Variants in COL5A1 observed in about 807,000 individuals in gnomAD.
The protein encoded by COL5A1 is collagen type V alpha 1 chain, also known as collagen alpha-1(V) chain.
In COL5A1, 16 loss-of-function variants were observed where a neutral mutation model predicts 263.7. The observed-to-expected ratio is 0.06, with a 90% CI of 0.04 to 0.09. COL5A1 has a LOEUF of 0.09. Among genes scored for constraint, COL5A1 ranks in the 10% least tolerant of loss-of-function variants. The pLI is 1.00. For missense variants in COL5A1, 2,036 were observed against 2,540.5 expected, an observed-to-expected ratio of 0.80 and a Z score of 4.27; for synonymous variants, 1,012 against 1,004.5, an observed-to-expected ratio of 1.01 and a Z score of -0.14.
chr9:134,695,249 A>AC (rs1833417050), intron 2 of COL5A1, among the ~76,000 whole-genome samples: 1 of 151,024 alleles, frequency 6.6e-6, no homozygotes, highest in African/African-American at 2.4e-5. Context: ...CTCTGCCCAC[A>AC]CCCCCCTGCC....
intron 41 of COL5A1, among the ~76,000 whole-genome samples, 160 bp downstream of exon 41, chr9:134,805,374 C>T (rs964528142): frequency 3.3e-5 from 5 of 152,118 alleles, no homozygotes; most frequent in African/African-American, 9.7e-5. Flanking sequence ...ATGCGGACGG[C>T]GCATCCCAAG....
intron 11 of COL5A1, among the ~76,000 whole-genome samples, chr9:134,748,014 C>CACACACAT (rs1835622297): frequency 2.7e-5 from 4 of 150,692 alleles, no homozygotes; most frequent in East Asian, 3.9e-4. Context: ...CATGCATTCA[C>CACACACAT]ACACATGCAT....
At chr9:134,739,352 G>A (rs3109676) in intron 11 of COL5A1, among the ~76,000 whole-genome samples, 48,708 of 152,182 alleles carry the variant, frequency 0.32, 8,595 homozygotes, top group African/African-American at 0.48. Flanking sequence ...CCTGGTGTCC[G>A]GCGGGGCGGG....
chr9:134,677,071 C>T lies in COL5A1; in HGVS notation c.110-13841C>T, dbSNP rs1380681673. ...CATGGAGTGCTCTGGTTGTGGTTTG[C>T]TGGGGAGACACAGAAGAGGCAGGGA... On this transcript the variant is annotated intron_variant, in intron 1 of 65. Coordinates refer to ENST00000371817, the MANE Select transcript of COL5A1 (RefSeq NM_000093.5). The surrounding 1 kb of genome is among the most constrained non-coding windows in gnomAD (Gnocchi z 4.4). Among the ~76,000 whole-genome samples, 1 of 152,170 alleles carries T rather than the reference C, an allele frequency of 6.6e-6. No individual in the cohort carries two copies. Among genetic ancestry groups the T allele is most frequent in the East Asian group, 1.9e-4 (1 of 5,202 alleles).
At chr9:134,780,693 C>T (rs1428628979) in intron 28 of COL5A1, among the ~76,000 whole-genome samples, 1 of 152,236 alleles carries the variant, frequency 6.6e-6, no homozygotes, top group Non-Finnish European at 1.5e-5. Context: ...AGCTAAACTA[C>T]ACCCCCATGC....
At chr9:134,660,940 G>A (rs1182506344) in intron 1 of COL5A1, among the ~76,000 whole-genome samples, 2 of 152,188 alleles carry the variant, frequency 1.3e-5, no homozygotes, top group Non-Finnish European at 2.9e-5. Context: ...CCAGCCCAGA[G>A]AATTGCTATG....
chr9:134,743,494 G>A (rs1835366409), intron 11 of COL5A1, among the ~76,000 whole-genome samples: 1 of 152,190 alleles, frequency 6.6e-6, no homozygotes, highest in African/African-American at 2.4e-5. Flanking sequence ...CTGCTGGGGG[G>A]CCTGGATCCT....
chr9:134,796,775 C>T (rs946664985), intron 35 of COL5A1, 73 bp from the exon 36 acceptor site: 2 of 1,391,168 alleles, frequency 1.4e-6, no homozygotes, highest in African/African-American at 1.4e-5. Flanking sequence ...GAGCCACCGG[C>T]ACAGGCAGGT....
chr9:134,825,324 C>T (rs1039354182), intron 62 of COL5A1, among the ~76,000 whole-genome samples: 1 of 152,210 alleles, frequency 6.6e-6, no homozygotes, highest in African/African-American at 2.4e-5. Flanking sequence ...ACACATCCTT[C>T]TCCTCACCAT....
chr9:134,736,286 T>G (rs933858823), intron 9 of COL5A1, among the ~76,000 whole-genome samples: 7 of 152,374 alleles, frequency 4.6e-5, no homozygotes, highest in African/African-American at 1.4e-4. Context: ...CCCACAGTTC[T>G]GGAGGTCAGG....
At chr9:134,644,589 C>CG (rs368886230) in intron 1 of COL5A1, among the ~76,000 whole-genome samples, 28,123 of 83,800 alleles carry the variant, frequency 0.34, 5,766 homozygotes, top group African/African-American at 0.52. Context: ...GAGGCAGGCG[C>CG]GGGGGGGAGC....
chr9:134,654,423 G>A (rs1245837148), intron 1 of COL5A1, among the ~76,000 whole-genome samples: 1 of 109,972 alleles, frequency 9.1e-6, no homozygotes, highest in Non-Finnish European at 1.9e-5. Context: ...AGGGCTGGAG[G>A]TGTGTAGGGC....
At chr9:134,643,099 C>T (rs1425675062) in intron 1 of COL5A1, among the ~76,000 whole-genome samples, 3 of 152,204 alleles carry the variant, frequency 2.0e-5, no homozygotes, top group Non-Finnish European at 2.9e-5. Context: ...GCTTGCTTCC[C>T]GGGGAGGGCG....
At chr9:134,685,434 C>CCATT (rs1833015974) in intron 1 of COL5A1, among the ~76,000 whole-genome samples, 4 of 59,256 alleles carry the variant, frequency 6.8e-5, no homozygotes, top group East Asian at 5.5e-4. Flanking sequence ...ATCCATCCAT[C>CCATT]CATCCATTGT....
At chr9:134,820,279 GGGGC>G (rs1455966708) in intron 58 of COL5A1, 56 bp downstream of exon 58, 12 of 1,424,810 alleles carry the variant, frequency 8.4e-6, no homozygotes, top group Admixed American at 6.8e-5. Flanking sequence ...TTAGATCCCT[GGGGC>G]AGGCACCCAG....
Position 134,727,335 on chromosome 9 carries a change from C to A in COL5A1, c.724C>A (p.Pro242Thr). 1 of 1,613,946 alleles carries A rather than the reference C, an allele frequency of 6.2e-7. No homozygotes were observed. Among genetic ancestry groups the A allele is most frequent in the South Asian group, 1.1e-5 (1 of 91,058 alleles). The change falls in exon 5 of 66, where the codon CCT becomes ACT. Residue 242 changes from proline to threonine, a missense_variant. Pro to Thr is a conservative substitution (Grantham distance 38, BLOSUM62 -1). Coordinates refer to ENST00000371817, the MANE Select transcript of COL5A1 (RefSeq NM_000093.5). Reference protein sequence around the residue: ...AAYDYCEHYSPDCDTAVPDTP... With the variant: ...AAYDYCEHYSTDCDTAVPDTP... ...TTATGATTACTGTGAGCACTACAGC[C>A]CTGACTGTGACACCGCAGTACCTGA...
At chr9:134,687,394 C>T (rs150286592) in intron 1 of COL5A1, among the ~76,000 whole-genome samples, 1,733 of 152,154 alleles carry the variant, frequency 0.011, 21 homozygotes, top group Non-Finnish European at 0.016. Context: ...CACAGCAGGA[C>T]ACCTGCTATT....
intron 26 of COL5A1, 81 bp from the exon 27 acceptor site, chr9:134,774,778 C>T: frequency 6.9e-7 from 1 of 1,438,938 alleles, no homozygotes; most frequent in South Asian, 1.2e-5. Context: ...GAGGGGTATG[C>T]CGAACTCTGG....
At chr9:134,729,338 G>A (rs1359885512) in intron 6 of COL5A1, among the ~76,000 whole-genome samples, 3 of 152,204 alleles carry the variant, frequency 2.0e-5, no homozygotes, top group Non-Finnish European at 4.4e-5. Context: ...CGGGCCCCGT[G>A]CAGGAGTGTG....
Sources: allele counts gnomAD v4.1 joint callset (sites outside exome capture counted in the v4.1 genomes callset), GRCh38; gene constraint gnomAD v4.1.1; non-coding constraint Gnocchi (gnomAD v3.1); transcripts MANE v1.5; gene names NCBI Gene and HGNC (gene_info 2026-07-23, HGNC 2026-07-21).